PRDM5: variants seen among roughly 807,000 people sequenced by gnomAD.
PRDM5 encodes PR/SET domain 5, also known as PR domain zinc finger protein 5.
PRDM5 carries 56 observed loss-of-function variants against 81.2 expected under a neutral mutation model. That is an observed-to-expected ratio of 0.69 (90% CI 0.56 to 0.86). The LOEUF (loss-of-function observed/expected upper bound fraction) is 0.86. Among genes scored for constraint, PRDM5 ranks in the 40% least tolerant of loss-of-function variants. The probability of loss-of-function intolerance (pLI) is 0.00; values close to 1 mark genes in which losing one functional copy is unlikely to be tolerated. For synonymous variants in PRDM5, 267 were observed against 256.4 expected, an observed-to-expected ratio of 1.04 and a Z score of -0.39; for missense variants, 697 against 770.1, an observed-to-expected ratio of 0.91 and a Z score of 1.12.
At chr4:120,704,595 G>T (rs2149009803) in intron 15 of PRDM5, among the ~76,000 whole-genome samples, 1 of 152,314 alleles carries the variant, frequency 6.6e-6, no homozygotes, top group Admixed American at 6.5e-5. Flanking sequence ...CATACAATGT[G>T]CCTACCACTT....
At chr4:120,774,851 C>A (rs1747830395) in intron 13 of PRDM5, among the ~76,000 whole-genome samples, 2 of 149,912 alleles carry the variant, frequency 1.3e-5, no homozygotes, top group African/African-American at 4.9e-5. Context: ...AACACATACA[C>A]CACTTTCTCC....
chr4:120,786,608 C>T (rs1445076792), intron 10 of PRDM5, among the ~76,000 whole-genome samples: 1 of 152,070 alleles, frequency 6.6e-6, no homozygotes, highest in Non-Finnish European at 1.5e-5. Flanking sequence ...AGGTATTTTT[C>T]TTAAAATGAA....
intron 3 of PRDM5, chr4:120,837,887 C>T (rs1002039456): frequency 1.3e-5 from 2 of 152,160 alleles, no homozygotes; most frequent in African/African-American, 4.8e-5. Context: ...TCTCAAAGGA[C>T]TTAATTAACC....
intron 8 of PRDM5, chr4:120,810,359 G>C (rs1375705895): frequency 2.0e-5 from 3 of 152,064 alleles, no homozygotes; most frequent in African/African-American, 7.2e-5. Context: ...CAGCCATAAG[G>C]GTTCTGCTTC....
At chr4:120,833,794 G>A (rs530561589) in intron 3 of PRDM5, among the ~76,000 whole-genome samples, 30 of 152,224 alleles carry the variant, frequency 2.0e-4, no homozygotes, top group African/African-American at 6.0e-4. Flanking sequence ...ACATATCCCC[G>A]AAGAGGGGAC....
At chr4:120,747,523 C>G (rs999280435) in intron 14 of PRDM5, among the ~76,000 whole-genome samples, 5 of 152,020 alleles carry the variant, frequency 3.3e-5, no homozygotes, top group African/African-American at 1.2e-4. Flanking sequence ...CCCAAACCCT[C>G]TAGATAAATT....
intron 2 of PRDM5, among the ~76,000 whole-genome samples, chr4:120,869,650 A>G (rs1185677321): frequency 6.6e-6 from 1 of 152,242 alleles, no homozygotes; most frequent in Non-Finnish European, 1.5e-5. Context: ...CCATGAATAC[A>G]AACAGAGCCT....
At chr4:120,748,949 T>C (rs1171905398) in intron 14 of PRDM5, among the ~76,000 whole-genome samples, 3 of 152,068 alleles carry the variant, frequency 2.0e-5, no homozygotes, top group East Asian at 1.9e-4. Flanking sequence ...TAACTGGACA[T>C]GGAATATAAG....
At chr4:120,913,761 C>G (rs1346800162) in intron 1 of PRDM5, among the ~76,000 whole-genome samples, 1 of 152,160 alleles carries the variant, frequency 6.6e-6, no homozygotes, top group African/African-American at 2.4e-5. Context: ...AAGTAGAGGA[C>G]AGCAGAGTAA....
At chr4:120,819,812 T>C (rs1755025002) in intron 4 of PRDM5, among the ~76,000 whole-genome samples, 1 of 152,090 alleles carries the variant, frequency 6.6e-6, no homozygotes, top group Non-Finnish European at 1.5e-5. Flanking sequence ...ACCCAAAATA[T>C]GATATTCCAA....
At chr4:120,894,431 T>C (rs1764396194) in intron 2 of PRDM5, among the ~76,000 whole-genome samples, 1 of 152,206 alleles carries the variant, frequency 6.6e-6, no homozygotes, top group South Asian at 2.1e-4. Flanking sequence ...AGGATTCCTT[T>C]TCCTTCTCCA....
At chr4:120,750,532 C>CT (rs1466659489) in intron 14 of PRDM5, among the ~76,000 whole-genome samples, 4 of 152,182 alleles carry the variant, frequency 2.6e-5, no homozygotes, top group African/African-American at 9.7e-5. Context: ...CCTGGAGAAG[C>CT]TTACAGCAAC....
chr4:120,846,027 A>T (rs545602453), intron 3 of PRDM5, among the ~76,000 whole-genome samples: 20 of 152,354 alleles, frequency 1.3e-4, no homozygotes, highest in Admixed American at 9.8e-4. Flanking sequence ...AGGCCTGAAG[A>T]TGTGACTAAA....
At chr4:120,862,442 A>G (rs1265847670) in intron 2 of PRDM5, among the ~76,000 whole-genome samples, 1 of 152,238 alleles carries the variant, frequency 6.6e-6, no homozygotes, top group East Asian at 1.9e-4. Context: ...AAGGGTGTAA[A>G]GTAACATACA....
chr4:120,722,739 C>T (rs933239395), intron 14 of PRDM5, among the ~76,000 whole-genome samples: 1 of 152,034 alleles, frequency 6.6e-6, no homozygotes, highest in African/African-American at 2.4e-5. Context: ...TTAGAGCATG[C>T]GACCTGGCTG....
At chr4:120,872,175 C>A (rs1285879511) in intron 2 of PRDM5, among the ~76,000 whole-genome samples, 1 of 60,040 alleles carries the variant, frequency 1.7e-5, no homozygotes, top group African/African-American at 6.4e-5. Context: ...AAAAAAAAAA[C>A]CTGTACAGAG....
intron 7 of PRDM5, chr4:120,812,912 T>A (rs2149328112): frequency 5.3e-6 from 1 of 187,004 alleles, no homozygotes; most frequent in South Asian, 8.4e-5. Context: ...ACTAAATTTA[T>A]TAATTCATAA....
rs1414073525 is a variant in PRDM5 at position 120,742,447 on chromosome 4, GAGAGAAGA to G, written c.1623+12098_1623+12105del. ...GGACGGAGAATGACTTTGACGAGTT[GAGAGAAGA>G]AGGCTTCAGATGATCAAATTACTCT... On this transcript the variant is annotated intron_variant, in intron 14 of 15. Coordinates refer to ENST00000264808, the MANE Select transcript of PRDM5 (RefSeq NM_018699.4). Among the ~76,000 whole-genome samples the G allele has an allele frequency of 3.9e-5, 6 of 152,350 alleles. No homozygotes were observed. The South Asian group carries it at 1.2e-3, about 32-fold the overall frequency.
downstream of PRDM5, among the ~76,000 whole-genome samples, chr4:120,687,453 A>T: frequency 6.6e-6 from 1 of 152,056 alleles, no homozygotes; most frequent in Non-Finnish European, 1.5e-5. Context: ...TAGCATATGA[A>T]ATTATTTCTT....
Sources: allele counts gnomAD v4.1 joint callset (sites outside exome capture counted in the v4.1 genomes callset), GRCh38; gene constraint gnomAD v4.1.1; transcripts MANE v1.5; gene names NCBI Gene and HGNC (gene_info 2026-07-23, HGNC 2026-07-21).